PDE10A: variants seen among roughly 807,000 people sequenced by gnomAD.
PDE10A encodes phosphodiesterase 10A.
A neutral mutation model predicts 97.7 loss-of-function variants in PDE10A; 39 were observed. The ratio of observed to expected loss-of-function variants is 0.40; its 90% CI spans 0.31 to 0.52. PDE10A has a LOEUF of 0.52. PDE10A is among the 20% of genes least tolerant of loss of function. The probability of loss-of-function intolerance (pLI) is 0.56; values close to 1 mark genes in which losing one functional copy is unlikely to be tolerated. For missense variants in PDE10A, 731 were observed against 1,047.8 expected (o/e 0.70, Z 4.17); for synonymous variants, 371 against 376.8 (o/e 0.98, Z 0.18).
At chr6:165,696,400 C>A (rs908488445) in intron 1 of PDE10A, among the ~76,000 whole-genome samples, 4 of 152,134 alleles carry the variant, frequency 2.6e-5, no homozygotes, top group African/African-American at 9.7e-5. Context: ...TCTGTCCTGC[C>A]CAGGATGTGA....
intron 1 of PDE10A, among the ~76,000 whole-genome samples, chr6:165,963,088 T>C (rs1481058969): frequency 6.6e-6 from 1 of 152,234 alleles, no homozygotes; most frequent in Non-Finnish European, 1.5e-5. Flanking sequence ...ATGACTAATG[T>C]GTTGAATGAA....
At chr6:165,543,628 G>GTCT in intron 1 of PDE10A, 60 bp from the exon 2 acceptor site, 4 of 1,346,050 alleles carry the variant, frequency 3.0e-6, no homozygotes, top group Admixed American at 3.9e-5. Context: ...TCAATGAAAG[G>GTCT]TATAGTATCA....
intron 1 of PDE10A, among the ~76,000 whole-genome samples, chr6:165,854,276 G>A (rs1780651979): frequency 1.3e-5 from 2 of 152,130 alleles, no homozygotes; most frequent in Admixed American, 6.5e-5. Context: ...CCCTGCGCCG[G>A]GTGACGGAGG....
intron 2 of PDE10A, among the ~76,000 whole-genome samples, chr6:165,521,397 A>C (rs554309293): frequency 1.4e-4 from 21 of 152,312 alleles, no homozygotes; most frequent in African/African-American, 4.6e-4. Flanking sequence ...AATCAAAAGC[A>C]AGGAATAATT....
intron 1 of PDE10A, among the ~76,000 whole-genome samples, chr6:165,635,980 T>C (rs1277475871): frequency 6.6e-6 from 1 of 152,246 alleles, no homozygotes; most frequent in African/African-American, 2.4e-5. Flanking sequence ...TATCACAAGC[T>C]AAGTGTTATC....
chr6:165,588,281 CTT>C (rs1216263426), intron 1 of PDE10A, among the ~76,000 whole-genome samples: 1 of 37,032 alleles, frequency 2.7e-5, no homozygotes, highest in Admixed American at 3.8e-4. Context: ...ATTTTTTTTT[CTT>C]TTTTTTTTTT....
At chr6:165,522,429 T>A (rs1033494802) in intron 2 of PDE10A, among the ~76,000 whole-genome samples, 3 of 152,102 alleles carry the variant, frequency 2.0e-5, no homozygotes, top group Non-Finnish European at 2.9e-5. Flanking sequence ...AAATCCAGCA[T>A]TATATCACAA....
At chr6:165,771,893 A>C (rs1295192677) in intron 1 of PDE10A, among the ~76,000 whole-genome samples, 1 of 152,086 alleles carries the variant, frequency 6.6e-6, no homozygotes, top group Non-Finnish European at 1.5e-5. Context: ...AGCTGGCTGC[A>C]TGAGGGGAAG....
intron 1 of PDE10A, among the ~76,000 whole-genome samples, chr6:165,638,232 G>A (rs184027912): frequency 3.3e-5 from 5 of 152,206 alleles, no homozygotes; most frequent in African/African-American, 4.8e-5. Flanking sequence ...TCTGTTTGGC[G>A]ATGATTCTAC....
rs1431606367 is a variant in PDE10A, at chr6:165,330,092, C to T, written c.*2933G>A. On this transcript the variant is annotated 3_prime_UTR_variant, in exon 22 of 22. Transcript: ENST00000539869. ...AGCTAAAAAACATATTCACTGTGTC[C>T]AAAAAGATAATGGAATAATTGCATA... 6.6e-6 allele frequency: 1 copy of T among 152,008 alleles called. No individual in the cohort carries two copies. The highest frequency in any genetic ancestry group is 2.4e-5 in the African/African-American group (1 of 41,380). The allele number at this position is 152,008 out of a possible 1,614,324, so 9.4% of individuals were successfully genotyped here. A position where few individuals can be genotyped will look rare whatever the true frequency, so the allele number is the denominator to read the frequency against.
chr6:165,372,727 A>G (rs1784346052), intron 18 of PDE10A, among the ~76,000 whole-genome samples: 1 of 119,692 alleles, frequency 8.4e-6, no homozygotes, highest in Non-Finnish European at 1.7e-5. Context: ...GGAAAAAAAT[A>G]CTTTAAAGTT....
intron 1 of PDE10A, chr6:165,660,001 C>A (rs1373315214): frequency 2.0e-5 from 3 of 152,328 alleles, no homozygotes; most frequent in Non-Finnish European, 4.4e-5. Flanking sequence ...CACCACCTTT[C>A]CCCCAGAGCA....
At chr6:165,823,522 A>ATC (rs1562754495) in intron 1 of PDE10A, among the ~76,000 whole-genome samples, 1 of 96,142 alleles carries the variant, frequency 1.0e-5, no homozygotes, top group Non-Finnish European at 2.6e-5. Flanking sequence ...ATATATATAT[A>ATC]TATGAACCTT....
intron 5 of PDE10A, among the ~76,000 whole-genome samples, chr6:165,448,709 AACAC>A (rs10645551): frequency 1.8e-4 from 27 of 147,426 alleles, no homozygotes; most frequent in Non-Finnish European, 2.7e-4. Flanking sequence ...AGCCAAAGGA[AACAC>A]ACACACACAC....
At position 165,656,415 on chromosome 6, in the gene PDE10A, T is replaced by C. The variant is rs60267145; in HGVS notation, c.865+5532A>G. On this transcript the variant is annotated intron_variant, in intron 1 of 21. Transcript: ENST00000539869. Reference sequence around the variant, plus strand: ...TATCTCTCCCGACCATTCATGTGCATGGCCCCATCTCTGGTCCAGCTCCTA... The same window carrying C: ...TATCTCTCCCGACCATTCATGTGCACGGCCCCATCTCTGGTCCAGCTCCTA... 8.7e-3 allele frequency among the ~76,000 whole-genome samples: 1,319 copies of C among 151,854 alleles called. 24 individuals carry two copies. The highest frequency in any genetic ancestry group is 0.03 in the African/African-American group (1,245 of 41,412).
chr6:165,441,064 T>G (rs887749741), intron 5 of PDE10A, among the ~76,000 whole-genome samples: 2 of 152,214 alleles, frequency 1.3e-5, no homozygotes, highest in Admixed American at 6.5e-5. Flanking sequence ...GACATTGCTA[T>G]GGGCCAGGAT....
At chr6:165,440,224 A>T (rs1158993573) in intron 5 of PDE10A, among the ~76,000 whole-genome samples, 1 of 152,228 alleles carries the variant, frequency 6.6e-6, no homozygotes, top group Admixed American at 6.5e-5. Flanking sequence ...ATAATTCTTA[A>T]AAATAAATCT....
intron 1 of PDE10A, among the ~76,000 whole-genome samples, chr6:165,684,531 G>A (rs1278034705): frequency 1.3e-5 from 2 of 152,198 alleles, no homozygotes; most frequent in African/African-American, 4.8e-5. Flanking sequence ...AGTTGCATTG[G>A]CATTTCATTG....
chr6:165,825,782 GC>G (rs907419842), intron 1 of PDE10A, among the ~76,000 whole-genome samples: 3 of 152,144 alleles, frequency 2.0e-5, no homozygotes, highest in Non-Finnish European at 4.4e-5. Flanking sequence ...ACCTGCCTCT[GC>G]CCACGGCCTA....
Sources: gnomAD v4.1 joint callset for allele counts (sites outside exome capture counted in the v4.1 genomes callset) on GRCh38, gnomAD v4.1.1 for gene constraint, MANE v1.5 for transcripts, NCBI Gene and HGNC (gene_info 2026-07-23, HGNC 2026-07-21) for gene names.